GRID1: variants seen among roughly 807,000 people sequenced by gnomAD.
GRID1 encodes glutamate receptor ionotropic, delta-1.
A neutral mutation model predicts 98.0 loss-of-function variants in GRID1; 28 were observed. That is an observed-to-expected ratio of 0.29 (90% CI 0.21 to 0.39). The LOEUF is 0.39. Ranked by LOEUF, GRID1 falls within the 10% of genes least tolerant of loss-of-function variation. The pLI, the probability that GRID1 is intolerant of heterozygous loss-of-function variation, is 1.00. For synonymous variants in GRID1, 553 were observed against 538.5 expected (o/e 1.03, Z -0.37); for missense variants, 1,111 against 1,340.5 (o/e 0.83, Z 2.67).
At chr10:86,125,350 C>T (rs188834698) in intron 4 of GRID1, among the ~76,000 whole-genome samples, 9 of 152,308 alleles carry the variant, frequency 5.9e-5, no homozygotes, top group African/African-American at 1.9e-4. Context: ...ATAAGACCCA[C>T]GAACTGAAAG....
At chr10:85,707,749 G>T (rs1343383945) in intron 12 of GRID1, among the ~76,000 whole-genome samples, 2 of 152,212 alleles carry the variant, frequency 1.3e-5, no homozygotes, top group Non-Finnish European at 1.5e-5. Context: ...TTAAGGAAAT[G>T]TGGCACATAT....
At chr10:85,836,148 G>T (rs1361204512) in intron 8 of GRID1, among the ~76,000 whole-genome samples, 1 of 151,828 alleles carries the variant, frequency 6.6e-6, no homozygotes, top group Non-Finnish European at 1.5e-5. Context: ...TAAATTCAAA[G>T]CAAGCAGAAA....
intron 12 of GRID1, among the ~76,000 whole-genome samples, chr10:85,714,562 T>C (rs1439833941): frequency 6.6e-6 from 1 of 151,856 alleles, no homozygotes; most frequent in African/African-American, 2.4e-5. Flanking sequence ...GGATACAAAA[T>C]AAACATACAA....
intron 1 of GRID1, among the ~76,000 whole-genome samples, chr10:86,364,530 A>C (rs1445308685): frequency 1.5e-5 from 2 of 135,872 alleles, no homozygotes; most frequent in Non-Finnish European, 3.1e-5. Flanking sequence ...CCCCACCCAA[A>C]TCCCAGGACA....
At chr10:86,154,315 G>T (rs186406357) in intron 3 of GRID1, among the ~76,000 whole-genome samples, 1 of 152,274 alleles carries the variant, frequency 6.6e-6, no homozygotes, top group Non-Finnish European at 1.5e-5. Flanking sequence ...GCAAGCCTAC[G>T]GGAGCAGGAT....
intron 4 of GRID1, among the ~76,000 whole-genome samples, chr10:86,070,796 C>T (rs1039451288): frequency 2.0e-4 from 31 of 152,182 alleles, no homozygotes; most frequent in Admixed American, 1.5e-3. Flanking sequence ...CCAGCTGATA[C>T]AGAGAGTAAC....
At chr10:86,238,031 A>C (rs1846569249) in intron 2 of GRID1, among the ~76,000 whole-genome samples, 1 of 152,252 alleles carries the variant, frequency 6.6e-6, no homozygotes, top group African/African-American at 2.4e-5. Context: ...TGGAGGGCTC[A>C]GAAGAAAACA....
intron 4 of GRID1, among the ~76,000 whole-genome samples, chr10:86,060,652 T>C (rs1470473021): frequency 6.6e-6 from 1 of 152,208 alleles, no homozygotes; most frequent in African/African-American, 2.4e-5. Context: ...AGCAGGGCGC[T>C]GGCCTGGACT....
At chr10:86,300,259 T>C (rs1847662281) in intron 2 of GRID1, among the ~76,000 whole-genome samples, 1 of 151,816 alleles carries the variant, frequency 6.6e-6, no homozygotes, top group Non-Finnish European at 1.5e-5. Flanking sequence ...AGAATACATT[T>C]CTGTTGTTGT....
At chr10:86,286,194 T>G (rs977530142) in intron 2 of GRID1, among the ~76,000 whole-genome samples, 3 of 152,062 alleles carry the variant, frequency 2.0e-5, no homozygotes, top group Admixed American at 6.5e-5. Context: ...TATATAGAAG[T>G]GTAGATGTAT....
intron 4 of GRID1, 109 bp downstream of exon 4, chr10:86,138,710 T>A: frequency 1.2e-6 from 1 of 816,056 alleles, no homozygotes. Context: ...CGGGTCTCCA[T>A]GTCCGTTTAG....
chr10:86,222,146 C>T lies in GRID1; in HGVS notation c.236-15498G>A, dbSNP rs375234241. ...CCTGCATGCCATCTCATGGCATCCT[C>T]CCAGGCCTAGAGGGGGGGCCACCCA... On this transcript the variant is annotated intron_variant, in intron 2 of 15. Transcript: ENST00000327946. Among the ~76,000 whole-genome samples, 35 of 152,340 alleles carry T rather than the reference C, an allele frequency of 2.3e-4. 1 individual carries two copies. The highest frequency in any genetic ancestry group is 1.4e-3 in the Admixed American group (22 of 15,314).
chr10:85,888,924 A>C (rs143131594), intron 5 of GRID1, among the ~76,000 whole-genome samples: 13 of 152,258 alleles, frequency 8.5e-5, no homozygotes, highest in African/African-American at 2.9e-4. Flanking sequence ...CTTTAATTCC[A>C]ATGGACTCAG....
rs141401499 is a variant in GRID1, at chr10:85,759,749, T to G, written c.1234-30135A>C. On this transcript the variant is annotated intron_variant, in intron 8 of 15. Coordinates refer to ENST00000327946, the MANE Select transcript of GRID1 (RefSeq NM_017551.3). ...TGGTTTTAATTTCCAAGGGAAACTA[T>G]TTTTAAAATGAGTTCGGAAAATGTA... 2.0e-5 allele frequency among the ~76,000 whole-genome samples: 3 copies of G among 152,352 alleles called. No individual in the cohort carries two copies. In the East Asian group the frequency reaches 5.8e-4, roughly 29 times the overall value.
At chr10:86,201,093 AC>A (rs1012592541) in intron 3 of GRID1, among the ~76,000 whole-genome samples, 2 of 152,208 alleles carry the variant, frequency 1.3e-5, no homozygotes, top group African/African-American at 4.8e-5. Context: ...GCTCTTGCAC[AC>A]AAACACCAAA....
intron 2 of GRID1, among the ~76,000 whole-genome samples, chr10:86,281,080 AG>A (rs2132067916): frequency 6.6e-6 from 1 of 152,320 alleles, no homozygotes; most frequent in African/African-American, 2.4e-5. Flanking sequence ...AGAATGCAAT[AG>A]GGAGGGGGCA....
intron 8 of GRID1, among the ~76,000 whole-genome samples, chr10:85,773,667 T>C (rs1842297676): frequency 6.6e-6 from 1 of 152,186 alleles, no homozygotes; most frequent in Admixed American, 6.5e-5. Context: ...ACAAGCATTC[T>C]TAAATACCAA....
At chr10:85,895,899 G>A (rs1384791206) in intron 5 of GRID1, among the ~76,000 whole-genome samples, 1 of 152,000 alleles carries the variant, frequency 6.6e-6, no homozygotes, top group East Asian at 1.9e-4. Context: ...TCAAAATTAT[G>A]GGAAAGAGGA....
chr10:85,607,339 C>A (rs1421524139), intron 15 of GRID1: 1 of 152,176 alleles, frequency 6.6e-6, no homozygotes, highest in Non-Finnish European at 1.5e-5. Context: ...TGAGGAACTT[C>A]CCCCTGACTG....
Sources: allele counts gnomAD v4.1 joint callset (sites outside exome capture counted in the v4.1 genomes callset), GRCh38; gene constraint gnomAD v4.1.1; transcripts MANE v1.5; gene names NCBI Gene and HGNC (gene_info 2026-07-23, HGNC 2026-07-21).